Variants in ABCC5 observed in about 807,000 individuals in gnomAD.
ABCC5 encodes the protein ATP-binding cassette sub-family C member 5.
ABCC5 carries 61 observed loss-of-function variants against 160.9 expected under a neutral mutation model. The ratio of observed to expected loss-of-function variants is 0.38; its 90% confidence interval spans 0.31 to 0.47. The LOEUF (loss-of-function observed/expected upper bound fraction) is 0.47. Among genes scored for constraint, ABCC5 ranks in the 20% least tolerant of loss-of-function variants. ABCC5 has a pLI of 0.99. For synonymous variants in ABCC5, 666 were observed against 700.6 expected (o/e 0.95, Z 0.78); for missense variants, 1,308 against 1,813.3 (o/e 0.72, Z 5.06).
rs368286690 is a variant in ABCC5, at chr3:183,930,336, G to A, written c.3855-1511C>T. On this transcript the variant is annotated intron_variant, in intron 26 of 29. Coordinates refer to ENST00000334444, the MANE Select transcript of ABCC5 (RefSeq NM_005688.4). The stretch of plus-strand genomic sequence containing the variant: ...ATTCTGACCCGCCTTGCTCTCCAGC[G>A]CCTCTTGCCCTTTGCACGGCGTTTT... Among the ~76,000 whole-genome samples, 34 of 152,298 alleles carry A rather than the reference G, an allele frequency of 2.2e-4. No individual in the cohort carries two copies. The East Asian group carries it at 6.0e-3, about 27-fold the overall frequency.
At chr3:184,013,280 G>A (rs541706422) in intron 2 of ABCC5, among the ~76,000 whole-genome samples, 1 of 152,122 alleles carries the variant, frequency 6.6e-6, no homozygotes, top group South Asian at 2.1e-4. Flanking sequence ...TTTGGAGACG[G>A]AGTCTCACTC....
chr3:183,962,049 G>A (rs1716795197), intron 15 of ABCC5, among the ~76,000 whole-genome samples: 2 of 152,156 alleles, frequency 1.3e-5, no homozygotes, highest in South Asian at 4.1e-4. Context: ...ACCGCGCCCA[G>A]CTGGAGACAT....
In ABCC5 at chr3:184,017,773, G is replaced by T. The variant is rs61424177; in HGVS notation, c.-56+57C>A. ...CCACGCCCCGAGGAAATGCAAAGGG[G>T]TGATCCCCGTGACAACCGAGCTGGA... is the stretch of plus-strand genomic sequence containing the variant. On this transcript the variant is annotated intron_variant, in intron 1 of 29. Transcript: ENST00000334444. The surrounding 1 kb of genome is among the most constrained non-coding windows in gnomAD (Gnocchi z 4.5). 12 of 152,434 alleles carry T rather than the reference G, an allele frequency of 7.9e-5. No individual in the cohort carries two copies. The highest frequency in any genetic ancestry group is 1.5e-4 in the Non-Finnish European group (10 of 68,208). 9.4% of individuals were successfully genotyped at this position (152,434 alleles called of 1,614,324 possible).
chr3:184,007,832 C>G (rs940428991), intron 2 of ABCC5, among the ~76,000 whole-genome samples: 1 of 151,748 alleles, frequency 6.6e-6, no homozygotes, highest in African/African-American at 2.4e-5. Flanking sequence ...ACCTCAAAAA[C>G]AAAAAACAAA....
chr3:183,938,183 T>A, intron 25 of ABCC5, 123 bp from the exon 26 acceptor site: 2 of 922,534 alleles, frequency 2.2e-6, no homozygotes, highest in Non-Finnish European at 3.3e-6. Flanking sequence ...TTTCAACTGA[T>A]TAACTGAGAT....
In ABCC5 at chr3:183,975,786, TCTA is replaced by T. The variant is rs1169114394; in HGVS notation, c.1404+1728_1404+1730del. On this transcript the variant is annotated intron_variant, in intron 10 of 29. Coordinates refer to ENST00000334444, the MANE Select transcript of ABCC5 (RefSeq NM_005688.4). ...AAATAGAGCTGTGGGTGGTGCTGCT[TCTA>T]CTATTAATTCTGAGGCTTCCTGGAG... is the stretch of plus-strand genomic sequence containing the variant. 1.1e-4 allele frequency among the ~76,000 whole-genome samples: 16 copies of T among 151,408 alleles called. No homozygotes were observed. The East Asian group carries it at 2.9e-3, about 28-fold the overall frequency.
chr3:183,996,569 C>G (rs1219799018), intron 2 of ABCC5, among the ~76,000 whole-genome samples: 1 of 152,172 alleles, frequency 6.6e-6, no homozygotes, highest in Non-Finnish European at 1.5e-5. Context: ...CAAATGAAAG[C>G]TGCCAGGCAA....
At position 183,988,063 on chromosome 3, in the gene ABCC5, CT is replaced by C; in HGVS notation, c.444-147del. 1 of 884,896 alleles carries C rather than the reference CT, an allele frequency of 1.1e-6. No individual in the cohort carries two copies. Among genetic ancestry groups the C allele is most frequent in the South Asian group, 1.7e-5 (1 of 57,906 alleles). The allele number at this position is 884,896 out of a possible 1,614,324, so 54.8% of individuals were successfully genotyped here. A position where few individuals can be genotyped will look rare whatever the true frequency, so the allele number is the denominator to read the frequency against. On this transcript the variant is annotated intron_variant, in intron 4 of 29. Coordinates refer to ENST00000334444, the MANE Select transcript of ABCC5 (RefSeq NM_005688.4). The surrounding 1 kb of genome is among the most constrained non-coding windows in gnomAD (Gnocchi z 4.4). Reference sequence around the variant, plus strand: ...AAATTATGTACATAGTCTTCACCTTCTGGGAAAAAATACCCTTCCTAGGGAA... The same window carrying C: ...AAATTATGTACATAGTCTTCACCTTCGGGAAAAAATACCCTTCCTAGGGAA...
chr3:183,944,719 T>C (rs1009247053), intron 24 of ABCC5, among the ~76,000 whole-genome samples: 22 of 152,210 alleles, frequency 1.4e-4, no homozygotes, highest in African/African-American at 5.3e-4. Flanking sequence ...TAACATATTA[T>C]GAGACTTTTT....
chr3:183,940,944 C>T (rs554947244), intron 25 of ABCC5, among the ~76,000 whole-genome samples: 15 of 152,202 alleles, frequency 9.9e-5, no homozygotes, highest in South Asian at 6.2e-4. Context: ...CTGCAACCTC[C>T]GCCTCCTGGG....
Position 183,941,860 on chromosome 3 carries a change from G to A in ABCC5, c.3694+867C>T, listed in dbSNP as rs182689490. Among the ~76,000 whole-genome samples the A allele has an allele frequency of 1.7e-3, 252 of 151,874 alleles. 5 individuals are homozygous for A. In the South Asian group the frequency reaches 0.017, roughly 10 times the overall value. ...ATTAGCTGGCGCCCCTGTAGTCCCA[G>A]CTACGTGAGAGGCTGAGGCAGGAGA... On this transcript the variant is annotated intron_variant, in intron 25 of 29. Coordinates refer to ENST00000334444, the MANE Select transcript of ABCC5 (RefSeq NM_005688.4).
intron 5 of ABCC5, chr3:183,985,699 A>C (rs1409411460): frequency 2.5e-6 from 1 of 397,860 alleles, no homozygotes; most frequent in Non-Finnish European, 4.8e-6. Context: ...TAAGTGTAGC[A>C]ATGTGGCTAC....
At chr3:183,928,690 C>T in intron 27 of ABCC5, 57 bp downstream of exon 27, 1 of 1,513,656 alleles carries the variant, frequency 6.6e-7, no homozygotes, top group Non-Finnish European at 9.2e-7. Context: ...GGCAAGGGCA[C>T]TGCTGTGCTT....
chr3:183,974,612 G>A (rs561270095), intron 10 of ABCC5, among the ~76,000 whole-genome samples: 11 of 152,186 alleles, frequency 7.2e-5, no homozygotes, highest in South Asian at 2.1e-4. Context: ...CCGGGCCCCC[G>A]TTAAATTTAA....
intron 25 of ABCC5, 61 bp downstream of exon 25, chr3:183,942,666 A>G: frequency 6.4e-7 from 1 of 1,572,750 alleles, no homozygotes; most frequent in Non-Finnish European, 8.7e-7. Flanking sequence ...AAGGGGTGAA[A>G]GTGATATTTC....
chr3:183,978,949 C>T (rs941156902), intron 8 of ABCC5, among the ~76,000 whole-genome samples: 2 of 152,172 alleles, frequency 1.3e-5, no homozygotes, highest in Non-Finnish European at 1.5e-5. Flanking sequence ...TTAATTGTAT[C>T]TATAATTGGC....
intron 2 of ABCC5, among the ~76,000 whole-genome samples, chr3:184,011,757 T>A (rs1297988295): frequency 6.6e-6 from 1 of 152,174 alleles, no homozygotes; most frequent in Non-Finnish European, 1.5e-5. Flanking sequence ...CAAAATTAGA[T>A]GGCTATCAAG....
rs1256340775 is a variant in ABCC5 at position 183,950,102 on chromosome 3, C to T, written c.2968G>A (p.Ala990Thr). 1.9e-6 allele frequency: 3 copies of T among 1,613,672 alleles called. No individual in the cohort carries two copies. The African/African-American group carries it at 4.0e-5, about 22-fold the overall frequency. ...DEVDVRLPFQ[A>T]EMFIQNVILV... is the part of the protein sequence containing the mutation. The stretch of plus-strand genomic sequence containing the variant: ...ATAACGTTCTGGATGAACATCTCGG[C>T]CTGGAACGGCAGCCGCACGTCAACT... The change falls in exon 21 of 30, where the codon GCC becomes ACC. Residue 990 changes from alanine to threonine, a missense_variant. Physicochemically the swap from Ala to Thr is moderately conservative, Grantham distance 58 (BLOSUM62 0). Transcript: ENST00000334444.
At position 183,938,014 on chromosome 3, in the gene ABCC5, A is replaced by G. The variant is rs1199216008; in HGVS notation, c.3741T>C (p.Ser1247=). ...CTCCATCAATCTTGATGCAGCCTCCAGATAACTCCACCAGACGGAAGAGGG... is the reference window on the plus strand; with the variant it reads ...CTCCATCAATCTTGATGCAGCCTCCGGATAACTCCACCAGACGGAAGAGGG... The part of the protein sequence containing the change: ...GMALFRLVEL[S]GGCIKIDGVR... The change falls in exon 26 of 30, where the codon TCT becomes TCC. Residue 1247 remains serine, a synonymous_variant. Coordinates refer to ENST00000334444, the MANE Select transcript of ABCC5 (RefSeq NM_005688.4). 1.9e-6 allele frequency: 3 copies of G among 1,614,210 alleles called. No individual in the cohort carries two copies. The South Asian group carries it at 3.3e-5, about 18-fold the overall frequency.
Sources: gnomAD v4.1 joint callset for allele counts (sites outside exome capture counted in the v4.1 genomes callset) on GRCh38, gnomAD v4.1.1 for gene constraint, Gnocchi (gnomAD v3.1) non-coding constraint, MANE v1.5 for transcripts, NCBI Gene and HGNC (gene_info 2026-07-23, HGNC 2026-07-21) for gene names.